Variants in RAF1 observed in about 807,000 individuals in gnomAD.
RAF1 encodes RAF proto-oncogene serine/threonine-protein kinase.
Under a neutral mutation model 81.1 loss-of-function variants are expected in RAF1, and 27 were observed. That is an observed-to-expected ratio of 0.33 (90% CI 0.25 to 0.46). RAF1 has a LOEUF of 0.46. Among genes scored for constraint, RAF1 ranks in the 20% least tolerant of loss-of-function variants. The probability of loss-of-function intolerance (pLI) is 1.00; values close to 1 mark genes in which losing one functional copy is unlikely to be tolerated. For missense variants in RAF1, 598 were observed against 826.0 expected, an observed-to-expected ratio of 0.72 and a Z score of 3.38; for synonymous variants, 298 against 294.0, an observed-to-expected ratio of 1.01 and a Z score of -0.14.
At chr3:12,588,764 C>T (rs1044057529) in intron 13 of RAF1, 4 of 152,094 alleles carry the variant, frequency 2.6e-5, no homozygotes, top group Non-Finnish European at 5.9e-5. Flanking sequence ...ATTGGGTAAC[C>T]TCTAATGGGT....
At chr3:12,624,799 T>A (rs1297970967) in intron 1 of RAF1, among the ~76,000 whole-genome samples, 2 of 151,114 alleles carry the variant, frequency 1.3e-5, no homozygotes, top group Non-Finnish European at 2.9e-5. Flanking sequence ...GTCAGGAGAA[T>A]TGCTTGAACC....
intron 3 of RAF1, among the ~76,000 whole-genome samples, chr3:12,610,149 T>C (rs2059163840): frequency 6.6e-6 from 1 of 152,214 alleles, no homozygotes. Flanking sequence ...GCCCAATTCC[T>C]TTCTTATGTT....
chr3:12,596,964 T>C (rs1020301828), intron 11 of RAF1, among the ~76,000 whole-genome samples: 1 of 151,848 alleles, frequency 6.6e-6, no homozygotes, highest in Non-Finnish European at 1.5e-5. Flanking sequence ...AGTGGCACGA[T>C]CTCGGCTCAC....
chr3:12,648,286 T>TAAAAAAAAAAAAAAAAAAA (rs34585793), intron 1 of RAF1, among the ~76,000 whole-genome samples: 1 of 124,202 alleles, frequency 8.1e-6, no homozygotes, highest in Non-Finnish European at 1.7e-5. Context: ...ACAGCGAAGT[T>TAAAAAAAAAAAAAAAAAAA]AAAAAAAAAA....
At chr3:12,620,650 G>GT (rs983007322) in intron 1 of RAF1, among the ~76,000 whole-genome samples, 18 of 151,630 alleles carry the variant, frequency 1.2e-4, no homozygotes, top group South Asian at 2.1e-4. Flanking sequence ...TTTAAGAACA[G>GT]TTTTTTTTGT....
At chr3:12,630,599 C>A (rs1474528185) in intron 1 of RAF1, among the ~76,000 whole-genome samples, 2 of 152,112 alleles carry the variant, frequency 1.3e-5, no homozygotes, top group Non-Finnish European at 2.9e-5. Context: ...AACAACATTC[C>A]AGGCAGAAAG....
At chr3:12,650,217 A>C (rs568298328) in intron 1 of RAF1, among the ~76,000 whole-genome samples, 2 of 151,136 alleles carry the variant, frequency 1.3e-5, no homozygotes, top group East Asian at 3.9e-4. Flanking sequence ...CCAGCTACTC[A>C]GGAGGCTAAG....
chr3:12,625,246 G>A (rs1279552572), intron 1 of RAF1, among the ~76,000 whole-genome samples: 2 of 151,856 alleles, frequency 1.3e-5, no homozygotes, highest in African/African-American at 4.8e-5. Context: ...ACTATGTCTG[G>A]CTAATTTTGT....
intron 11 of RAF1, 30 bp downstream of exon 10, chr3:12,599,660 GC>G (rs747021246): frequency 1.3e-6 from 2 of 1,550,756 alleles, no homozygotes; most frequent in South Asian, 1.1e-5. Flanking sequence ...CCAAAGCCCT[GC>G]AGTTAGTAAA....
chr3:12,645,583 G>A (rs920862328), intron 1 of RAF1, among the ~76,000 whole-genome samples: 2 of 152,044 alleles, frequency 1.3e-5, no homozygotes, highest in Non-Finnish European at 2.9e-5. Flanking sequence ...CAGTTGATCT[G>A]TACTTTGAAA....
chr3:12,611,000 A>G (rs1477373831), intron 3 of RAF1, among the ~76,000 whole-genome samples: 1 of 152,106 alleles, frequency 6.6e-6, no homozygotes, highest in African/African-American at 2.4e-5. Context: ...TACACATTTA[A>G]CTGAATAAAA....
chr3:12,650,746 A>G (rs1029320672), intron 1 of RAF1, among the ~76,000 whole-genome samples: 3 of 152,190 alleles, frequency 2.0e-5, no homozygotes, highest in Admixed American at 6.6e-5. Context: ...CAAAAATTGA[A>G]TATGTGCTAG....
intron 1 of RAF1, among the ~76,000 whole-genome samples, chr3:12,623,570 GAT>G: frequency 6.6e-6 from 1 of 152,186 alleles, no homozygotes; most frequent in African/African-American, 2.4e-5. Flanking sequence ...GGCCGAGGCA[GAT>G]GGATCACGAG....
intron 15 of RAF1, 38 bp from the exon 15 acceptor site, chr3:12,585,291 C>T (rs2125323556): frequency 6.2e-7 from 1 of 1,612,592 alleles, no homozygotes; most frequent in Non-Finnish European, 8.5e-7. Flanking sequence ...GCATTTATCA[C>T]CATATGACAG....
rs1317917068 is a variant in RAF1 at position 12,585,617 on chromosome 3, TA to T, written c.1596+63del. 4.8e-6 allele frequency: 7 copies of T among 1,456,378 alleles called. No individual in the cohort carries two copies. In the East Asian group the frequency reaches 1.6e-4, roughly 33 times the overall value. The allele number at this position is 1,456,378 out of a possible 1,614,324, so 90.2% of individuals were successfully genotyped here. Reference sequence around the variant, plus strand: ...TACAGAAACGCTTTAAGTTTGCACATAAATCTCCAAGGCATTCCTTTTGCCC... The same window carrying T: ...TACAGAAACGCTTTAAGTTTGCACATAATCTCCAAGGCATTCCTTTTGCCC... On this transcript the variant is annotated intron_variant, in intron 15 of 17. Transcript: ENST00000442415.
chr3:12,587,961 C>CTTTT (rs1363745620), intron 13 of RAF1: 1 of 150,888 alleles, frequency 6.6e-6, no homozygotes, highest in African/African-American at 3.7e-5. Context: ...CACCATGCCG[C>CTTTT]CTTTTTTTTT....
At chr3:12,662,601 C>A (rs1220566821) in intron 1 of RAF1, among the ~76,000 whole-genome samples, 1 of 151,982 alleles carries the variant, frequency 6.6e-6, no homozygotes, top group African/African-American at 2.4e-5. Context: ...TCATCTCTCA[C>A]CATTTCCTTC....
At chr3:12,602,814 G>C (rs1049491020) in intron 8 of RAF1, among the ~76,000 whole-genome samples, 4 of 152,290 alleles carry the variant, frequency 2.6e-5, no homozygotes, top group South Asian at 4.1e-4. Context: ...TTTGAGGTCT[G>C]AATGAGATAA....
intron 11 of RAF1, among the ~76,000 whole-genome samples, chr3:12,598,724 T>TC: frequency 3.8e-5 from 1 of 26,386 alleles, no homozygotes; most frequent in African/African-American, 2.1e-4. Context: ...AGAATCTATC[T>TC]CAAAAAAAAA....
Sources: gnomAD v4.1 joint callset for allele counts (sites outside exome capture counted in the v4.1 genomes callset) on GRCh38, gnomAD v4.1.1 for gene constraint, MANE v1.5 for transcripts, NCBI Gene and HGNC (gene_info 2026-07-23, HGNC 2026-07-21) for gene names.